UNC5C: variants seen among roughly 807,000 people sequenced by gnomAD.
UNC5C encodes netrin receptor UNC5C.
In UNC5C, 47 loss-of-function variants were observed where a neutral mutation model predicts 99.8. The ratio of observed to expected loss-of-function variants is 0.47; its 90% CI spans 0.37 to 0.60. The LOEUF (loss-of-function observed/expected upper bound fraction) is 0.60. UNC5C is among the 20% of genes least tolerant of loss of function. The pLI, the probability that UNC5C is intolerant of heterozygous loss-of-function variation, is 0.00. For missense variants in UNC5C, 1,062 were observed against 1,165.9 expected (o/e 0.91, Z 1.30); for synonymous variants, 487 against 452.2 (o/e 1.08, Z -0.98).
chr4:95,432,160 G>T (rs1746652339), intron 1 of UNC5C, among the ~76,000 whole-genome samples: 2 of 152,044 alleles, frequency 1.3e-5, no homozygotes, highest in African/African-American at 4.8e-5. Context: ...AACAATCTTG[G>T]TGTTGATTCT....
intron 7 of UNC5C, among the ~76,000 whole-genome samples, chr4:95,239,937 A>C (rs2149377342): frequency 6.6e-6 from 1 of 152,278 alleles, no homozygotes; most frequent in Admixed American, 6.5e-5. Context: ...ATCCATTATG[A>C]ACTCTGAATT....
chr4:95,440,665 C>A (rs1746924018), intron 1 of UNC5C, among the ~76,000 whole-genome samples: 1 of 151,814 alleles, frequency 6.6e-6, no homozygotes, highest in East Asian at 1.9e-4. Context: ...AATTAAGATT[C>A]CGAAGACCTG....
At chr4:95,475,524 AAGACAGACAGAT>A (rs143771539) in intron 1 of UNC5C, among the ~76,000 whole-genome samples, 8,123 of 152,042 alleles carry the variant, frequency 0.053, 451 homozygotes, top group African/African-American at 0.14. Flanking sequence ...TCAGGAGAGA[AAGACAGACAGAT>A]AGACAGACAG....
intron 1 of UNC5C, among the ~76,000 whole-genome samples, chr4:95,515,461 T>C (rs1486516504): frequency 6.6e-6 from 1 of 152,220 alleles, no homozygotes; most frequent in Non-Finnish European, 1.5e-5. Context: ...TCTTAATTAG[T>C]ATTTTAATAG....
chr4:95,380,536 C>T (rs1745040472), intron 1 of UNC5C, among the ~76,000 whole-genome samples: 1 of 151,518 alleles, frequency 6.6e-6, no homozygotes, highest in East Asian at 1.9e-4. Context: ...CTCAGCCTCC[C>T]AAATCACCAG....
At chr4:95,445,437 A>C (rs1747072167) in intron 1 of UNC5C, among the ~76,000 whole-genome samples, 1 of 152,214 alleles carries the variant, frequency 6.6e-6, no homozygotes, top group East Asian at 1.9e-4. Flanking sequence ...ATGTTTTCCA[A>C]TTCCGCTCTT....
chr4:95,422,401 C>G (rs538661882), intron 1 of UNC5C, among the ~76,000 whole-genome samples: 1 of 152,218 alleles, frequency 6.6e-6, no homozygotes, highest in South Asian at 2.1e-4. Context: ...AGGGCTAAAG[C>G]AATCTGTTAA....
chr4:95,415,447 A>T (rs1746134088), intron 1 of UNC5C, among the ~76,000 whole-genome samples: 1 of 152,162 alleles, frequency 6.6e-6, no homozygotes. Flanking sequence ...ATTCATAGCA[A>T]ACTCTTGGAG....
chr4:95,210,630 T>G (rs1738044181), intron 10 of UNC5C, among the ~76,000 whole-genome samples: 1 of 152,220 alleles, frequency 6.6e-6, no homozygotes, highest in Non-Finnish European at 1.5e-5. Flanking sequence ...GAGCAAAAAT[T>G]AGCTTCAGAA....
At chr4:95,297,729 C>T (rs1472065771) in intron 3 of UNC5C, among the ~76,000 whole-genome samples, 2 of 152,206 alleles carry the variant, frequency 1.3e-5, no homozygotes, top group Non-Finnish European at 2.9e-5. Flanking sequence ...ATCATCCTTT[C>T]TCTTCTTTCT....
rs770515497 is a variant in UNC5C, at chr4:95,301,646, C to T, written c.450G>A (p.Ala150=). Residue 150 remains alanine, a synonymous_variant, in exon 3 of 16, where the codon GCG becomes GCA. Transcript: ENST00000453304. Reference sequence around the variant, plus strand: ...ACGCCTTCCGGCTCTTTGTGGTACCCGCGGAGCTCCAGGCCACACACTGGC... The same window carrying T: ...ACGCCTTCCGGCTCTTTGTGGTACCTGCGGAGCTCCAGGCCACACACTGGC... ...YWCQCVAWSS[A]GTTKSRKAYV... is the part of the protein sequence containing the mutation. 2.0e-4 allele frequency: 316 copies of T among 1,613,728 alleles called. 1 individual carries two copies. The highest frequency in any genetic ancestry group is 3.7e-5 in the Non-Finnish European group (44 of 1,180,014).
intron 12 of UNC5C, among the ~76,000 whole-genome samples, chr4:95,192,351 GCTCA>G (rs1737173669): frequency 1.7e-5 from 1 of 57,526 alleles, no homozygotes; most frequent in Non-Finnish European, 3.2e-5. Flanking sequence ...CTTCTCCCCT[GCTCA>G]CTCCTCCCTT....
At chr4:95,522,271 A>G (rs17024120) in intron 1 of UNC5C, among the ~76,000 whole-genome samples, 9,360 of 152,172 alleles carry the variant, frequency 0.062, 699 homozygotes, top group African/African-American at 0.18. Flanking sequence ...AAAATCCTCA[A>G]TTGTTCATAC....
chr4:95,168,130 T>C lies in UNC5C; in HGVS notation c.*1104A>G, dbSNP rs1735929951. The C allele has an allele frequency of 6.6e-6, 1 of 152,076 alleles. No homozygotes were observed. The highest frequency in any genetic ancestry group is 2.4e-5 in the African/African-American group (1 of 41,372). The allele number at this position is 152,076 out of a possible 1,614,324, so 9.4% of individuals were successfully genotyped here. ...CACACAACGGCAATATTAAGTGAAC[T>C]TAATAGAGAACACGTCTCCTTAAGA... On this transcript the variant is annotated 3_prime_UTR_variant, in exon 16 of 16. Transcript: ENST00000453304.
chr4:95,271,238 T>TA (rs1334825442), intron 4 of UNC5C, among the ~76,000 whole-genome samples: 20 of 151,962 alleles, frequency 1.3e-4, no homozygotes, highest in African/African-American at 4.8e-4. Context: ...ATTTATTTTT[T>TA]TTTTTTTGAG....
intron 12 of UNC5C, among the ~76,000 whole-genome samples, chr4:95,192,407 C>A (rs1405242635): frequency 4.5e-5 from 5 of 110,222 alleles, no homozygotes; most frequent in African/African-American, 1.8e-4. Context: ...CCCACCTCCT[C>A]CCCCCTTCTC....
chr4:95,331,582 A>G (rs13120566), intron 2 of UNC5C, among the ~76,000 whole-genome samples: 59,528 of 151,922 alleles, frequency 0.39, 13,528 homozygotes, highest in East Asian at 0.83. Flanking sequence ...GAATCTCAGG[A>G]GAACTGAGAA....
intron 1 of UNC5C, among the ~76,000 whole-genome samples, chr4:95,503,753 T>C (rs1644105410): frequency 6.6e-6 from 1 of 152,162 alleles, no homozygotes; most frequent in African/African-American, 2.4e-5. Flanking sequence ...TTTAGCCAAC[T>C]CTTTAAGAAA....
At chr4:95,457,638 A>G (rs1385822518) in intron 1 of UNC5C, among the ~76,000 whole-genome samples, 1 of 152,108 alleles carries the variant, frequency 6.6e-6, no homozygotes, top group African/African-American at 2.4e-5. Context: ...TGAAGTTTTT[A>G]ACTATTTAAT....
Sources: gnomAD v4.1 joint callset for allele counts (sites outside exome capture counted in the v4.1 genomes callset) on GRCh38, gnomAD v4.1.1 for gene constraint, MANE v1.5 for transcripts, NCBI Gene and HGNC (gene_info 2026-07-23, HGNC 2026-07-21) for gene names.